ROPN1L: variants seen among roughly 807,000 people sequenced by gnomAD.
ROPN1L encodes ropporin-1-like protein.
Under a neutral mutation model 22.7 loss-of-function variants are expected in ROPN1L, and 23 were observed. The observed-to-expected ratio is 1.01, with a 90% CI of 0.73 to 1.43. The LOEUF is 1.43. ROPN1L is among the 40% of genes most tolerant of loss of function. The pLI, the probability that ROPN1L is intolerant of heterozygous loss-of-function variation, is 0.00. For synonymous variants in ROPN1L, 116 were observed against 117.8 expected (o/e 0.98, Z 0.10); for missense variants, 271 against 291.5 (o/e 0.93, Z 0.51).
At chr5:10,480,219 G>A in the ROPN1L span, among the ~76,000 whole-genome samples, 1 of 152,282 alleles carries the variant, frequency 6.6e-6, no homozygotes, top group East Asian at 1.9e-4. Flanking sequence ...ATTGTCCCCT[G>A]GAGCTACGAA....
intron 3 of ROPN1L, among the ~76,000 whole-genome samples, chr5:10,450,927 C>T (rs147981968): frequency 3.9e-5 from 6 of 152,210 alleles, no homozygotes; most frequent in South Asian, 2.1e-4. Context: ...GAGGTCGGGG[C>T]GAGAAGGGAG....
intron 2 of ROPN1L, among the ~76,000 whole-genome samples, chr5:10,449,229 A>T (rs1180169632): frequency 6.6e-6 from 1 of 152,238 alleles, no homozygotes; most frequent in Non-Finnish European, 1.5e-5. Context: ...TTAAAATAGT[A>T]GAAGGAAGGC....
Position 10,449,963 on chromosome 5 carries a change from G to A in ROPN1L, c.267G>A (p.Lys89=), listed in dbSNP as rs1741199180. The change falls in exon 3 of 5, where the codon AAG becomes AAA. Residue 89 remains lysine, a synonymous_variant. Coordinates refer to ENST00000274134, the MANE Select transcript of ROPN1L (RefSeq NM_031916.5). ...TGTTTTCCAAACAGTGTCACCACAA[G>A]CGGTATGTGGAATTAACAGATCTTG... ...LKVLHKQCHH[K]RYVELTDLEQ... 2.5e-6 allele frequency: 4 copies of A among 1,609,274 alleles called. No individual in the cohort carries two copies. The highest frequency in any genetic ancestry group is 3.4e-6 in the Non-Finnish European group (4 of 1,178,328).
chr5:10,459,669 C>T (rs1334830135), intron 3 of ROPN1L, among the ~76,000 whole-genome samples: 3 of 152,154 alleles, frequency 2.0e-5, no homozygotes, highest in Non-Finnish European at 2.9e-5. Flanking sequence ...ATGACTGGCT[C>T]CTTCCCCCTG....
chr5:10,453,241 C>G (rs905084662), intron 3 of ROPN1L, among the ~76,000 whole-genome samples: 1 of 152,140 alleles, frequency 6.6e-6, no homozygotes, highest in Admixed American at 6.5e-5. Context: ...CGTCTGGGGT[C>G]CATGTCTGCT....
At chr5:10,467,207 G>A (rs558363301), downstream of ROPN1L, among the ~76,000 whole-genome samples, 41 of 151,002 alleles carry the variant, frequency 2.7e-4, no homozygotes, top group Non-Finnish European at 5.3e-4. Flanking sequence ...TGAGGGCTCT[G>A]AAGTTCAAAC....
chr5:10,442,087 C>T lies in ROPN1L; in HGVS notation c.-81C>T. On this transcript the variant is annotated 5_prime_UTR_variant, in exon 1 of 5. Coordinates refer to ENST00000274134, the MANE Select transcript of ROPN1L (RefSeq NM_031916.5). ...CGCAAGCCCCGCGCTGCTAGCGGGT[C>T]CACCGCGTCGTAGCCGACAGCCGCC... The T allele has an allele frequency of 1.3e-6, 2 of 1,550,294 alleles. No individual in the cohort carries two copies. Among genetic ancestry groups the T allele is most frequent in the Middle Eastern group, 1.7e-4 (1 of 5,794 alleles).
downstream of ROPN1L, among the ~76,000 whole-genome samples, chr5:10,468,528 C>T (rs1336063623): frequency 6.6e-6 from 1 of 152,222 alleles, no homozygotes; most frequent in Non-Finnish European, 1.5e-5. Context: ...GGTAGTTGGG[C>T]TTTCAGTCAG....
chr5:10,469,900 G>T (rs1054285705), downstream of ROPN1L, among the ~76,000 whole-genome samples: 8 of 152,252 alleles, frequency 5.3e-5, no homozygotes, highest in Non-Finnish European at 7.3e-5. Flanking sequence ...CTTTTGAAAT[G>T]ATTGTGCTAA....
intron 4 of ROPN1L, among the ~76,000 whole-genome samples, chr5:10,461,969 C>T (rs770780854): frequency 2.6e-5 from 4 of 152,170 alleles, no homozygotes; most frequent in African/African-American, 7.2e-5. Context: ...CTGTTGGTCT[C>T]GATGTGTTTA....
chr5:10,459,350 T>C (rs908428736), intron 3 of ROPN1L, among the ~76,000 whole-genome samples: 14 of 150,160 alleles, frequency 9.3e-5, no homozygotes, highest in African/African-American at 3.0e-4. Flanking sequence ...GTTCCTGCCT[T>C]CCACCCTCAT....
intron 3 of ROPN1L, among the ~76,000 whole-genome samples, chr5:10,452,359 CAG>C (rs1391699271): frequency 3.7e-4 from 50 of 135,162 alleles, no homozygotes; most frequent in African/African-American, 1.3e-3. Flanking sequence ...TTTTTTGAGA[CAG>C]AGTCTTGCTC....
At chr5:10,451,835 G>T (rs1453915460) in intron 3 of ROPN1L, among the ~76,000 whole-genome samples, 6 of 152,248 alleles carry the variant, frequency 3.9e-5, no homozygotes, top group African/African-American at 1.4e-4. Context: ...CACCAGGGGA[G>T]TGTCTCAGGG....
chr5:10,454,032 G>A (rs1158790937), intron 3 of ROPN1L, among the ~76,000 whole-genome samples: 1 of 152,196 alleles, frequency 6.6e-6, no homozygotes, highest in Non-Finnish European at 1.5e-5. Flanking sequence ...ACATTAAATT[G>A]CCATCTGGAT....
chr5:10,446,021 T>C (rs143533389), intron 1 of ROPN1L, among the ~76,000 whole-genome samples: 30 of 152,344 alleles, frequency 2.0e-4, no homozygotes, highest in African/African-American at 7.0e-4. Flanking sequence ...GGTGGGCAAA[T>C]ATCAAAGATG....
At chr5:10,469,189 A>C (rs1735207243), downstream of ROPN1L, among the ~76,000 whole-genome samples, 1 of 150,574 alleles carries the variant, frequency 6.6e-6, no homozygotes, top group Non-Finnish European at 1.5e-5. Context: ...AAGATGATGG[A>C]GCGTTTGCTG....
rs559060316 is a variant in ROPN1L at position 10,464,960 on chromosome 5, T to C, written c.*13T>C. 9 of 1,453,234 alleles carry C rather than the reference T, an allele frequency of 6.2e-6. No homozygotes were observed. In the African/African-American group the frequency reaches 8.5e-5, roughly 14 times the overall value. 90.0% of individuals were successfully genotyped at this position (1,453,234 alleles called of 1,614,324 possible). A position where few individuals can be genotyped will look rare whatever the true frequency, so the allele number is the denominator to read the frequency against. ...TGTAGGCCATTAATACAGAGAAGAA[T>C]ACATTTTAATGTCAAAATAGTGCTC... On this transcript the variant is annotated 3_prime_UTR_variant, in exon 5 of 5. Coordinates refer to ENST00000274134, the MANE Select transcript of ROPN1L (RefSeq NM_031916.5).
At chr5:10,466,434 T>G (rs1033210784), downstream of ROPN1L, among the ~76,000 whole-genome samples, 14 of 152,180 alleles carry the variant, frequency 9.2e-5, no homozygotes, top group African/African-American at 3.4e-4. Flanking sequence ...CAGCTCAGCG[T>G]GCAACACAGC....
chr5:10,468,757 C>CTCCA (rs1040745063), downstream of ROPN1L, among the ~76,000 whole-genome samples: 3 of 152,168 alleles, frequency 2.0e-5, no homozygotes, highest in African/African-American at 7.2e-5. Context: ...TTGATAGGGG[C>CTCCA]TCCAGTACAA....
Sources: gnomAD v4.1 joint callset for allele counts (sites outside exome capture counted in the v4.1 genomes callset) on GRCh38, gnomAD v4.1.1 for gene constraint, MANE v1.5 for transcripts, NCBI Gene and HGNC (gene_info 2026-07-23, HGNC 2026-07-21) for gene names.